The following CNTN1 variants were observed in gnomAD, a reference collection of about 807,000 sequenced individuals.
CNTN1 encodes contactin 1.
Under a neutral mutation model 126.4 loss-of-function variants are expected in CNTN1, and 38 were observed. The ratio of observed to expected loss-of-function variants is 0.30; its 90% CI spans 0.23 to 0.39. The LOEUF is 0.39. Ranked by LOEUF, CNTN1 falls within the 10% of genes least tolerant of loss-of-function variation. CNTN1 has a pLI of 1.00. For synonymous variants in CNTN1, 413 were observed against 422.6 expected (o/e 0.98, Z 0.28); for missense variants, 1,009 against 1,248.4 (o/e 0.81, Z 2.89).
At chr12:40,863,655 C>A (rs1037818997) in intron 1 of CNTN1, among the ~76,000 whole-genome samples, 9 of 152,096 alleles carry the variant, frequency 5.9e-5, no homozygotes, top group Non-Finnish European at 1.3e-4. Flanking sequence ...AGCTCCACCC[C>A]CTGTCAATAG....
chr12:40,943,947 T>C, intron 13 of CNTN1, 48 bp from the exon 14 acceptor site: 2 of 1,538,994 alleles, frequency 1.3e-6, no homozygotes, highest in Non-Finnish European at 1.8e-6. Flanking sequence ...CAGATAATAT[T>C]GTGTCTTATA....
chr12:40,909,578 T>A (rs1300654123), intron 2 of CNTN1, among the ~76,000 whole-genome samples: 1 of 151,758 alleles, frequency 6.6e-6, no homozygotes, highest in Non-Finnish European at 1.5e-5. Flanking sequence ...TAAAAAAATA[T>A]TATTTTATTT....
At chr12:40,983,937 A>T (rs278921) in intron 16 of CNTN1, among the ~76,000 whole-genome samples, 5 of 134,828 alleles carry the variant, frequency 3.7e-5, no homozygotes, top group South Asian at 4.8e-4. Flanking sequence ...ATTATATGCT[A>T]TGTCATATAT....
At chr12:41,030,189 T>C (rs1385603374) in intron 23 of CNTN1, among the ~76,000 whole-genome samples, 1 of 150,328 alleles carries the variant, frequency 6.7e-6, no homozygotes, top group Admixed American at 6.6e-5. Flanking sequence ...TTAAGAAAAC[T>C]AAAAAAAAAG....
chr12:40,943,769 A>ACAT, intron 13 of CNTN1, 45 bp downstream of exon 13: 4 of 1,603,512 alleles, frequency 2.5e-6, no homozygotes, highest in Non-Finnish European at 3.4e-6. Flanking sequence ...GTATTAAAAA[A>ACAT]CATGATTCAG....
At chr12:40,891,225 A>T (rs1852542221) in intron 1 of CNTN1, among the ~76,000 whole-genome samples, 1 of 151,986 alleles carries the variant, frequency 6.6e-6, no homozygotes, top group African/African-American at 2.4e-5. Flanking sequence ...TTGTATTCCT[A>T]TTTTTAAGTT....
chr12:40,965,179 T>C (rs942281123), intron 15 of CNTN1, among the ~76,000 whole-genome samples: 1 of 152,172 alleles, frequency 6.6e-6, no homozygotes, highest in African/African-American at 2.4e-5. Context: ...TATGTTCAAA[T>C]TTGAAAATAC....
chr12:40,835,080 G>A (rs896703286), intron 1 of CNTN1, among the ~76,000 whole-genome samples: 1 of 152,098 alleles, frequency 6.6e-6, no homozygotes, highest in Admixed American at 6.6e-5. Flanking sequence ...TATGGCAAAT[G>A]TGAATATGAT....
chr12:41,005,702 G>A (rs1444278451), intron 17 of CNTN1, among the ~76,000 whole-genome samples: 2 of 151,984 alleles, frequency 1.3e-5, no homozygotes, highest in South Asian at 2.1e-4. Context: ...CCTCTGCTTG[G>A]TCTATTCTGC....
At chr12:40,729,673 C>A (rs1238734180) in intron 1 of CNTN1, 1 of 211,688 alleles carries the variant, frequency 4.7e-6, no homozygotes. Flanking sequence ...CCAATGCACT[C>A]CATTGTGCCT....
chr12:40,816,100 C>A (rs894109217), intron 1 of CNTN1, among the ~76,000 whole-genome samples: 19 of 152,144 alleles, frequency 1.2e-4, no homozygotes, highest in African/African-American at 4.6e-4. Context: ...GGGATACTGG[C>A]CTGACATTTT....
intron 1 of CNTN1, among the ~76,000 whole-genome samples, chr12:40,776,481 ATACTG>A (rs566913130): frequency 5.7e-4 from 87 of 151,744 alleles, no homozygotes; most frequent in African/African-American, 2.0e-3. Context: ...CTTCTGTGAA[ATACTG>A]TGGGGTCAAT....
At chr12:40,730,204 C>G (rs1484408945) in intron 1 of CNTN1, among the ~76,000 whole-genome samples, 1 of 152,204 alleles carries the variant, frequency 6.6e-6, no homozygotes, top group Non-Finnish European at 1.5e-5. Context: ...TAGCCATGCT[C>G]CCAGTGGTGG....
chr12:40,991,045 C>T (rs981735282), intron 16 of CNTN1, among the ~76,000 whole-genome samples: 59 of 152,120 alleles, frequency 3.9e-4, no homozygotes, highest in African/African-American at 1.3e-3. Context: ...TCTAGGGTTG[C>T]CAACAAATTA....
chr12:40,768,081 A>C (rs1281745402), intron 1 of CNTN1, among the ~76,000 whole-genome samples: 3 of 152,200 alleles, frequency 2.0e-5, no homozygotes, highest in African/African-American at 7.2e-5. Context: ...GTACAAATGG[A>C]GATTGGCTTT....
intron 14 of CNTN1, among the ~76,000 whole-genome samples, chr12:40,954,641 A>C (rs185893219): frequency 6.6e-5 from 10 of 152,250 alleles, no homozygotes; most frequent in Admixed American, 5.9e-4. Flanking sequence ...GGGGTTGCAA[A>C]AATCACCCTC....
intron 17 of CNTN1, among the ~76,000 whole-genome samples, chr12:41,010,442 A>G (rs1013526785): frequency 6.6e-6 from 1 of 152,176 alleles, no homozygotes; most frequent in African/African-American, 2.4e-5. Context: ...GTATGTTTGC[A>G]GAGCAGCTAT....
In CNTN1 at chr12:40,703,529, G is replaced by A. The variant is rs75136001; in HGVS notation, c.-77+10937G>A. Among the ~76,000 whole-genome samples the A allele has an allele frequency of 9.5e-4, 145 of 152,312 alleles. 2 individuals are homozygous for A. The East Asian group carries it at 0.027, about 28-fold the overall frequency. On this transcript the variant is annotated intron_variant, in intron 1 of 23. Coordinates refer to ENST00000551295, the MANE Select transcript of CNTN1 (RefSeq NM_001843.4). Reference sequence around the variant, plus strand: ...TTCCGAAGTCATGAAAATAGATATGGAAGTTAAGTTTGCTATATCGCTCTC... The same window carrying A: ...TTCCGAAGTCATGAAAATAGATATGAAAGTTAAGTTTGCTATATCGCTCTC...
intron 1 of CNTN1, among the ~76,000 whole-genome samples, chr12:40,830,250 A>G (rs1006738599): frequency 6.6e-6 from 1 of 152,164 alleles, no homozygotes; most frequent in Non-Finnish European, 1.5e-5. Context: ...CACGGTGGTT[A>G]TAATTAATTT....
Sources: gnomAD v4.1 joint callset for allele counts (sites outside exome capture counted in the v4.1 genomes callset) on GRCh38, gnomAD v4.1.1 for gene constraint, MANE v1.5 for transcripts, NCBI Gene and HGNC (gene_info 2026-07-23, HGNC 2026-07-21) for gene names.